CROCC2: variants seen among roughly 807,000 people sequenced by gnomAD.
CROCC2 encodes ciliary rootlet coiled-coil protein 2.
A neutral mutation model predicts 177.6 loss-of-function variants in CROCC2; 163 were observed. The ratio of observed to expected loss-of-function variants is 0.92; its 90% confidence interval spans 0.81 to 1.05. CROCC2 has a LOEUF of 1.05. Among genes scored for constraint, CROCC2 ranks in the 50% least tolerant of loss-of-function variants. The probability of loss-of-function intolerance (pLI) is 0.00; values close to 1 mark genes in which losing one functional copy is unlikely to be tolerated. For synonymous variants in CROCC2, 904 were observed against 787.3 expected, an observed-to-expected ratio of 1.15 and a Z score of -2.48; for missense variants, 1,929 against 1,797.8, an observed-to-expected ratio of 1.07 and a Z score of -1.32.
At position 240,960,363 on chromosome 2, in the gene CROCC2, C is replaced by T. The variant is rs566797279; in HGVS notation, c.3087+919C>T. On this transcript the variant is annotated intron_variant, in intron 20 of 31. Transcript: ENST00000690015. This position sits in a 1 kb window ranked among gnomAD's most constrained non-coding sequence, Gnocchi z 5.0. ...CCTGGCCAAGGGCCCGAGGTTGACA[C>T]GGAGGCCCCCAGGAGCCACATGATG... Among the ~76,000 whole-genome samples the T allele has an allele frequency of 1.4e-3, 220 of 152,248 alleles. 4 individuals are homozygous for T. Among genetic ancestry groups the T allele is most frequent in the Non-Finnish European group, 3.0e-3 (202 of 68,006 alleles).
Position 240,946,145 on chromosome 2 carries a change from C to A in CROCC2, c.2255C>A (p.Ala752Asp). 6.5e-7 allele frequency: 1 copy of A among 1,548,348 alleles called. No homozygotes were observed. Among genetic ancestry groups the A allele is most frequent in the African/African-American group, 1.4e-5 (1 of 73,136 alleles). ...QEAQMGTLQQ[A>D]LQGKDALSEE... Reference sequence around the variant, plus strand: ...GCCCAGATGGGCACTCTGCAGCAAGCCCTGCAAGGAAAGGATGCTCTGTCT... The same window carrying A: ...GCCCAGATGGGCACTCTGCAGCAAGACCTGCAAGGAAAGGATGCTCTGTCT... Residue 752 changes from alanine (A) to aspartate (D), a missense_variant, in exon 15 of 32, where the codon GCC becomes GAC. Ala to Asp is a moderately radical substitution (Grantham distance 126). Around this residue, in one of 3 missense-constraint regions of CROCC2, gnomAD observed 1,397 missense variants for 1,239.9 expected, o/e 1.13. Transcript: ENST00000690015.
At position 240,960,872 on chromosome 2, in the gene CROCC2, G is replaced by A. The variant is rs2059627515; in HGVS notation, c.3087+1428G>A. 7.1e-6 allele frequency among the ~76,000 whole-genome samples: 1 copy of A among 141,120 alleles called. No homozygotes were observed. Among genetic ancestry groups the A allele is most frequent in the South Asian group, 2.5e-4 (1 of 3,976 alleles). 92.6% of individuals were successfully genotyped at this position (141,120 alleles called of 152,430 possible). A position where few individuals can be genotyped will look rare whatever the true frequency, so the allele number is the denominator to read the frequency against. On this transcript the variant is annotated intron_variant, in intron 20 of 31. Coordinates refer to ENST00000690015, the MANE Select transcript of CROCC2 (RefSeq NM_001351305.2). The surrounding 1 kb of genome is among the most constrained non-coding windows in gnomAD (Gnocchi z 5.0). ...GATTTCAAAGTCAGGCCCGGTCAGC[G>A]ACCACACGGGGAAGCAAAACGAGAT...
At chr2:240,914,409 G>A (rs546249617) in intron 1 of CROCC2, among the ~76,000 whole-genome samples, 2 of 152,350 alleles carry the variant, frequency 1.3e-5, no homozygotes, top group South Asian at 2.1e-4. Flanking sequence ...GCTGGCGCGC[G>A]CCTTCACTCT....
At chr2:240,954,874 T>G (rs914900916) in intron 18 of CROCC2, 14 of 152,074 alleles carry the variant, frequency 9.2e-5, no homozygotes, top group African/African-American at 3.4e-4. Context: ...ATGCAGACGC[T>G]CCACACTTCT....
Position 240,941,414 on chromosome 2 carries a change from A to G in CROCC2, c.2170-4646A>G, listed in dbSNP as rs13411315. On this transcript the variant is annotated intron_variant, in intron 14 of 31. Coordinates refer to ENST00000690015, the MANE Select transcript of CROCC2 (RefSeq NM_001351305.2). ...AAAGCAAATCTGGAGGCATCACATT[A>G]CCCAACTTCAAACTATACTATAAGG... is the stretch of plus-strand genomic sequence containing the variant. 7.2e-3 allele frequency among the ~76,000 whole-genome samples: 1,091 copies of G among 152,348 alleles called. 12 individuals carry two copies. The highest frequency in any genetic ancestry group is 0.025 in the African/African-American group (1,026 of 41,578).
chr2:240,923,136 G>T (rs895429087), intron 4 of CROCC2, among the ~76,000 whole-genome samples: 1 of 152,048 alleles, frequency 6.6e-6, no homozygotes, highest in Non-Finnish European at 1.5e-5. Flanking sequence ...AGCCTTCCAC[G>T]TGGCAGCCTC....
Position 240,943,710 on chromosome 2 carries a change from G to A in CROCC2, c.2170-2350G>A, listed in dbSNP as rs545707853. ...GGCCAGGTTGGTCTCGAACTCCCGA[G>A]CTCAGGTGATCTGCCCACCTCGGCC... On this transcript the variant is annotated intron_variant, in intron 14 of 31. Coordinates refer to ENST00000690015, the MANE Select transcript of CROCC2 (RefSeq NM_001351305.2). Among the ~76,000 whole-genome samples the A allele has an allele frequency of 6.6e-5, 10 of 152,104 alleles. No homozygotes were observed. The South Asian group carries it at 1.0e-3, about 16-fold the overall frequency.
intron 3 of CROCC2, among the ~76,000 whole-genome samples, chr2:240,921,803 C>G (rs1357605315): frequency 6.6e-6 from 1 of 152,246 alleles, no homozygotes; most frequent in African/African-American, 2.4e-5. Context: ...CTTGGCTCTC[C>G]CATGCATTTG....
At chr2:240,939,521 C>G (rs924174103) in intron 14 of CROCC2, among the ~76,000 whole-genome samples, 19 of 152,182 alleles carry the variant, frequency 1.2e-4, no homozygotes, top group South Asian at 4.1e-4. Context: ...AAAGTAGTCT[C>G]TCTTCCTCTG....
chr2:240,976,692 C>T (rs1478469179), intron 27 of CROCC2, among the ~76,000 whole-genome samples: 8 of 116,760 alleles, frequency 6.9e-5, no homozygotes, highest in African/African-American at 1.0e-4. Context: ...CCTGCTCAGT[C>T]TCTGGGGTAG....
chr2:240,966,177 CTG>C, intron 24 of CROCC2, 46 bp from the exon 25 acceptor site: 1 of 1,193,488 alleles, frequency 8.4e-7, no homozygotes, highest in Non-Finnish European at 1.1e-6. Context: ...GGGCGTGTAT[CTG>C]TCACTGTGTT....
Position 240,917,041 on chromosome 2 carries a change from G to T in CROCC2, c.79-1685G>T, listed in dbSNP as rs2059325529. Among the ~76,000 whole-genome samples, 1 of 152,140 alleles carries T rather than the reference G, an allele frequency of 6.6e-6. No individual in the cohort carries two copies. The highest frequency in any genetic ancestry group is 2.4e-5 in the African/African-American group (1 of 41,438). On this transcript the variant is annotated intron_variant, in intron 1 of 31. Transcript: ENST00000690015. The surrounding 1 kb of genome is among the most constrained non-coding windows in gnomAD (Gnocchi z 4.9). ...CCCACTGGGCTGCTGCTCCCAAGGG[G>T]GGCCCATTACTCCCTCCAGAAGAAG...
chr2:240,952,496 C>A (rs901786180), intron 18 of CROCC2, among the ~76,000 whole-genome samples: 2 of 152,200 alleles, frequency 1.3e-5, no homozygotes, highest in East Asian at 3.8e-4. Flanking sequence ...GAATGCCTTG[C>A]ACAGGGTTGT....
At chr2:240,912,255 C>T (rs1401369201) in intron 1 of CROCC2, among the ~76,000 whole-genome samples, 2 of 152,208 alleles carry the variant, frequency 1.3e-5, no homozygotes, top group Admixed American at 1.3e-4. Context: ...AGCTGTCCTA[C>T]AATTCAATCC....
At chr2:240,919,495 G>T (rs1277862041) in intron 2 of CROCC2, among the ~76,000 whole-genome samples, 1 of 152,166 alleles carries the variant, frequency 6.6e-6, no homozygotes, top group Non-Finnish European at 1.5e-5. Flanking sequence ...TGTCCTGTGT[G>T]TGCCCAGGAC....
intron 4 of CROCC2, among the ~76,000 whole-genome samples, chr2:240,923,113 C>A (rs543168632): frequency 6.6e-6 from 1 of 152,182 alleles, no homozygotes; most frequent in East Asian, 1.9e-4. Context: ...CCATGGGGGA[C>A]GGGACTGGTG....
At chr2:240,975,950 C>T (rs1349432760) in intron 27 of CROCC2, among the ~76,000 whole-genome samples, 7 of 152,074 alleles carry the variant, frequency 4.6e-5, no homozygotes, top group Non-Finnish European at 2.9e-5. Flanking sequence ...AGGCTGGTCT[C>T]GAACTCCTGA....
chr2:240,962,129 C>T (rs2059646577), intron 20 of CROCC2, among the ~76,000 whole-genome samples: 1 of 152,094 alleles, frequency 6.6e-6, no homozygotes, highest in African/African-American at 2.4e-5. Context: ...CTCCACAGCC[C>T]CTCCTCCCTG....
In CROCC2 at chr2:240,954,278, A is replaced by G. The variant is rs909686382; in HGVS notation, c.2830-1581A>G. 2.0e-5 allele frequency among the ~76,000 whole-genome samples: 3 copies of G among 152,182 alleles called. 1 individual carries two copies. The highest frequency in any genetic ancestry group is 7.2e-5 in the African/African-American group (3 of 41,438). ...CTGACCCAGAGAGCACAGACCCCACAGGGCATGGTTCCCAACAGGATGCCC... is the reference window on the plus strand; with the variant it reads ...CTGACCCAGAGAGCACAGACCCCACGGGGCATGGTTCCCAACAGGATGCCC... On this transcript the variant is annotated intron_variant, in intron 18 of 31. Transcript: ENST00000690015.
Sources: gnomAD v4.1 joint callset for allele counts (sites outside exome capture counted in the v4.1 genomes callset) on GRCh38, gnomAD v4.1.1 for gene constraint, gnomAD v4.1.1 regional missense constraint, Gnocchi (gnomAD v3.1) non-coding constraint, MANE v1.5 for transcripts, NCBI Gene and HGNC (gene_info 2026-07-23, HGNC 2026-07-21) for gene names.